The following ROBO2 variants were observed in gnomAD, a reference collection of about 807,000 sequenced individuals.
The protein encoded by ROBO2 is roundabout guidance receptor 2.
Under a neutral mutation model 160.8 loss-of-function variants are expected in ROBO2, and 53 were observed. The ratio of observed to expected loss-of-function variants is 0.33; its 90% CI spans 0.26 to 0.41. The LOEUF (loss-of-function observed/expected upper bound fraction) is 0.41. Ranked by LOEUF, ROBO2 falls within the 10% of genes least tolerant of loss-of-function variation. The pLI is 1.00. For synonymous variants in ROBO2, 664 were observed against 611.7 expected, an observed-to-expected ratio of 1.09 and a Z score of -1.26; for missense variants, 1,577 against 1,722.4, an observed-to-expected ratio of 0.92 and a Z score of 1.49.
chr3:77,115,937 C>T (rs76261092), intron 2 of ROBO2, among the ~76,000 whole-genome samples: 2,399 of 152,210 alleles, frequency 0.016, 38 homozygotes, highest in Non-Finnish European at 0.024. Flanking sequence ...CTGACCCCTT[C>T]GTGGCCCTGA....
At chr3:76,169,818 G>T (rs1189830068) in intron 2 of ROBO2, among the ~76,000 whole-genome samples, 1 of 152,104 alleles carries the variant, frequency 6.6e-6, no homozygotes, top group Non-Finnish European at 1.5e-5. Flanking sequence ...GCCTCACTCT[G>T]TCACCCAGGC....
intron 2 of ROBO2, among the ~76,000 whole-genome samples, chr3:76,693,730 C>A (rs749042391): frequency 1.3e-5 from 2 of 152,148 alleles, no homozygotes; most frequent in Non-Finnish European, 2.9e-5. Flanking sequence ...GCAAGTTACA[C>A]AGTCTGAAGG....
chr3:77,263,737 A>T (rs960533919), intron 2 of ROBO2, among the ~76,000 whole-genome samples: 2 of 152,158 alleles, frequency 1.3e-5, no homozygotes, highest in Admixed American at 1.3e-4. Flanking sequence ...TTTATAATAG[A>T]ATAATTTATA....
chr3:76,240,956 C>T (rs951832368), intron 2 of ROBO2, among the ~76,000 whole-genome samples: 5 of 152,170 alleles, frequency 3.3e-5, no homozygotes, highest in Admixed American at 2.0e-4. Flanking sequence ...AATTATCTTC[C>T]ATTTTACAAT....
intron 2 of ROBO2, among the ~76,000 whole-genome samples, chr3:76,888,940 G>A (rs1238733762): frequency 6.6e-6 from 1 of 152,174 alleles, no homozygotes; most frequent in African/African-American, 2.4e-5. Flanking sequence ...AATTTTTCCT[G>A]GAGCTTGTAA....
chr3:77,395,640 C>A (rs965109771), intron 2 of ROBO2, among the ~76,000 whole-genome samples: 6 of 152,032 alleles, frequency 3.9e-5, no homozygotes, highest in Admixed American at 6.6e-5. Context: ...TATAAAATTG[C>A]ACTGGATAAG....
At chr3:76,897,022 C>A (rs1279100178) in intron 2 of ROBO2, among the ~76,000 whole-genome samples, 2 of 152,090 alleles carry the variant, frequency 1.3e-5, no homozygotes, top group Non-Finnish European at 2.9e-5. Context: ...TGTGTGATAA[C>A]TAAGCACTCT....
intron 2 of ROBO2, among the ~76,000 whole-genome samples, chr3:76,061,787 C>G (rs1204737092): frequency 1.3e-5 from 2 of 152,090 alleles, no homozygotes; most frequent in Non-Finnish European, 2.9e-5. Flanking sequence ...ACAAGGGTCT[C>G]AGTGGGCTCA....
exon 12 of ROBO2, chr3:77,565,053 G>A (rs760029805): frequency 6.2e-7 from 1 of 1,613,638 alleles, no homozygotes; most frequent in African/African-American, 1.3e-5. Context: ...ACTTATTCAT[G>A]GTCAGAGCGA....
At chr3:77,392,809 T>G (rs2074875486) in intron 2 of ROBO2, among the ~76,000 whole-genome samples, 3 of 152,196 alleles carry the variant, frequency 2.0e-5, no homozygotes, top group Admixed American at 2.0e-4. Flanking sequence ...GCTATTTCTT[T>G]GTCTTTTTTC....
At chr3:76,092,620 A>C (rs1274562193) in intron 2 of ROBO2, among the ~76,000 whole-genome samples, 2 of 152,110 alleles carry the variant, frequency 1.3e-5, no homozygotes, top group Non-Finnish European at 2.9e-5. Context: ...TTCTAGCAAG[A>C]CTCATAAATT....
intron 2 of ROBO2, among the ~76,000 whole-genome samples, chr3:76,299,263 A>T (rs887935339): frequency 1.3e-5 from 2 of 152,194 alleles, no homozygotes; most frequent in African/African-American, 2.4e-5. Flanking sequence ...GAAGGCCAAG[A>T]GAGAGGATAG....
intron 2 of ROBO2, among the ~76,000 whole-genome samples, chr3:76,465,394 A>T (rs1420246558): frequency 6.6e-6 from 1 of 152,112 alleles, no homozygotes; most frequent in African/African-American, 2.4e-5. Context: ...AGTTTATACT[A>T]AAGTTTGAAA....
chr3:76,494,619 G>C (rs564425988), intron 2 of ROBO2, among the ~76,000 whole-genome samples: 152 of 152,206 alleles, frequency 1.0e-3, no homozygotes, highest in African/African-American at 3.5e-3. Flanking sequence ...CTGTTCTCAG[G>C]AAGAAAAAGG....
chr3:77,522,870 A>G, exon 6 of ROBO2: 1 of 1,609,710 alleles, frequency 6.2e-7, no homozygotes, highest in Non-Finnish European at 8.5e-7. Context: ...CGGGTTGGAA[A>G]AATGGAAGCC....
At chr3:76,525,314 T>C (rs962053382) in intron 2 of ROBO2, among the ~76,000 whole-genome samples, 60 of 151,826 alleles carry the variant, frequency 4.0e-4, no homozygotes, top group Non-Finnish European at 2.8e-4. Flanking sequence ...TGAAGGATGA[T>C]CTTCTTGGTT....
chr3:76,324,748 A>C (rs561600965), intron 2 of ROBO2, among the ~76,000 whole-genome samples: 17 of 152,210 alleles, frequency 1.1e-4, no homozygotes, highest in Non-Finnish European at 1.5e-5. Context: ...TTCTCTGGAA[A>C]AAAAAGCACT....
At chr3:77,213,597 T>C (rs1261143451) in intron 2 of ROBO2, among the ~76,000 whole-genome samples, 2 of 152,210 alleles carry the variant, frequency 1.3e-5, no homozygotes, top group African/African-American at 2.4e-5. Flanking sequence ...GCTCTGATCT[T>C]AGTTATTTCT....
At chr3:76,816,055 T>G (rs1271696213) in intron 2 of ROBO2, among the ~76,000 whole-genome samples, 2 of 152,134 alleles carry the variant, frequency 1.3e-5, no homozygotes, top group Non-Finnish European at 2.9e-5. Flanking sequence ...CTTAGAAAAC[T>G]TTCTGACTGA....
Sources: gnomAD v4.1 joint callset for allele counts (sites outside exome capture counted in the v4.1 genomes callset) on GRCh38, gnomAD v4.1.1 for gene constraint, MANE v1.5 for transcripts, NCBI Gene and HGNC (gene_info 2026-07-23, HGNC 2026-07-21) for gene names.